Variants in PIK3AP1 observed in about 807,000 individuals in gnomAD.
PIK3AP1 encodes phosphoinositide-3-kinase adaptor protein 1.
PIK3AP1 carries 21 observed loss-of-function variants against 88.1 expected under a neutral mutation model. The observed-to-expected ratio is 0.24, with a 90% CI of 0.17 to 0.34. The LOEUF (loss-of-function observed/expected upper bound fraction) is 0.34. Ranked by LOEUF, PIK3AP1 falls within the 10% of genes least tolerant of loss-of-function variation. The pLI is 1.00. For missense variants in PIK3AP1, 828 were observed against 1,035.7 expected (o/e 0.80, Z 2.75); for synonymous variants, 398 against 400.0 (o/e 1.00, Z 0.06).
intron 4 of PIK3AP1, among the ~76,000 whole-genome samples, chr10:96,652,303 C>T (rs1048354358): frequency 1.8e-4 from 28 of 152,094 alleles, no homozygotes; most frequent in African/African-American, 6.3e-4. Context: ...AGCTGGGTGC[C>T]GTGGCTCACG....
chr10:96,710,860 G>A (rs1269564339), intron 1 of PIK3AP1, among the ~76,000 whole-genome samples: 2 of 152,202 alleles, frequency 1.3e-5, no homozygotes, highest in Non-Finnish European at 2.9e-5. Flanking sequence ...GATATTTCAT[G>A]TAAACTGCTA....
chr10:96,598,692 A>G (rs1012188915), intron 16 of PIK3AP1, among the ~76,000 whole-genome samples: 3 of 152,256 alleles, frequency 2.0e-5, no homozygotes, highest in Non-Finnish European at 4.4e-5. Flanking sequence ...AACCAAAAGA[A>G]GATTCACTCG....
Position 96,681,710 on chromosome 10 carries a change from A to G in PIK3AP1, c.431-24776T>C, listed in dbSNP as rs116081636. ...AGTCATAATGGAGAAGGGTAAGGGA[A>G]GAAGAGCTGGAAGGTTATCAGAAGG... On this transcript the variant is annotated intron_variant, in intron 2 of 16. Coordinates refer to ENST00000339364, the MANE Select transcript of PIK3AP1 (RefSeq NM_152309.3). Among the ~76,000 whole-genome samples the G allele has an allele frequency of 9.3e-3, 1,410 of 152,270 alleles. 21 individuals carry two copies. The highest frequency in any genetic ancestry group is 0.032 in the African/African-American group (1,345 of 41,552).
At chr10:96,633,257 T>C in intron 8 of PIK3AP1, 1 of 539,448 alleles carries the variant, frequency 1.9e-6, no homozygotes. Flanking sequence ...GTAGGCAATG[T>C]TGCCTGGAAA....
At chr10:96,628,893 T>TATAC (rs1564961268) in intron 8 of PIK3AP1, among the ~76,000 whole-genome samples, 11 of 53,422 alleles carry the variant, frequency 2.1e-4, no homozygotes, top group African/African-American at 4.3e-4. Flanking sequence ...TATATACATA[T>TATAC]ATATATATAT....
At position 96,720,357 on chromosome 10, in the gene PIK3AP1, G is replaced by C; in HGVS notation, c.13+25C>G. On this transcript the variant is annotated intron_variant, in intron 1 of 16. Coordinates refer to ENST00000339364, the MANE Select transcript of PIK3AP1 (RefSeq NM_152309.3). This position sits in a 1 kb window ranked among gnomAD's most constrained non-coding sequence, Gnocchi z 4.6. ...TACGAGAGAGGGGCCGGGAGCCCGG[G>C]GACCCGCGGCGCCTGCCTACCCACC... 8.0e-7 allele frequency: 1 copy of C among 1,242,508 alleles called. No individual in the cohort carries two copies. Among genetic ancestry groups the C allele is most frequent in the Admixed American group, 4.2e-5 (1 of 23,700 alleles). 77.0% of individuals were successfully genotyped at this position (1,242,508 alleles called of 1,614,324 possible). A position where few individuals can be genotyped will look rare whatever the true frequency, so the allele number is the denominator to read the frequency against.
At chr10:96,618,605 GAAAA>G (rs1564957063) in intron 12 of PIK3AP1, 3 of 139,534 alleles carry the variant, frequency 2.2e-5, no homozygotes, top group Non-Finnish European at 4.7e-5. Context: ...AAAAAAAAAA[GAAAA>G]AAAGAAAGAG....
intron 8 of PIK3AP1, among the ~76,000 whole-genome samples, chr10:96,639,683 T>A (rs1843358841): frequency 6.6e-6 from 1 of 152,198 alleles, no homozygotes; most frequent in African/African-American, 2.4e-5. Flanking sequence ...TAAGAACTCA[T>A]GCTGTGCACC....
At chr10:96,661,470 G>C (rs1843685388) in intron 2 of PIK3AP1, among the ~76,000 whole-genome samples, 1 of 152,192 alleles carries the variant, frequency 6.6e-6, no homozygotes, top group Non-Finnish European at 1.5e-5. Flanking sequence ...CATCAATGTA[G>C]ATTCATCAGT....
At chr10:96,665,941 C>T (rs1349192274) in intron 2 of PIK3AP1, among the ~76,000 whole-genome samples, 2 of 152,200 alleles carry the variant, frequency 1.3e-5, no homozygotes, top group Non-Finnish European at 2.9e-5. Flanking sequence ...AGCCTCCACA[C>T]AGTGCACAGG....
intron 2 of PIK3AP1, among the ~76,000 whole-genome samples, chr10:96,661,084 G>A (rs1051975190): frequency 2.6e-5 from 4 of 152,090 alleles, no homozygotes; most frequent in Non-Finnish European, 5.9e-5. Context: ...AGCCTCTCAT[G>A]AGGCTGAGGC....
intron 2 of PIK3AP1, among the ~76,000 whole-genome samples, chr10:96,677,866 G>T (rs753533986): frequency 3.3e-5 from 5 of 152,196 alleles, no homozygotes; most frequent in Non-Finnish European, 7.3e-5. Context: ...AGAGGGAGGT[G>T]AGAGTTTTTG....
chr10:96,635,477 G>A (rs1056433815), intron 8 of PIK3AP1, among the ~76,000 whole-genome samples: 1 of 152,122 alleles, frequency 6.6e-6, no homozygotes, highest in Non-Finnish European at 1.5e-5. Flanking sequence ...TATCTTTGTA[G>A]ACCAGGAACA....
chr10:96,674,710 G>A (rs2134257183), intron 2 of PIK3AP1, among the ~76,000 whole-genome samples: 1 of 152,344 alleles, frequency 6.6e-6, no homozygotes, highest in African/African-American at 2.4e-5. Flanking sequence ...GAGGACCACT[G>A]TAAGGCTTTG....
intron 1 of PIK3AP1, among the ~76,000 whole-genome samples, chr10:96,712,528 C>T (rs550380779): frequency 6.6e-6 from 1 of 152,058 alleles, no homozygotes; most frequent in South Asian, 2.1e-4. Flanking sequence ...TTCTTTATAC[C>T]TCAATGGAAA....
intron 8 of PIK3AP1, among the ~76,000 whole-genome samples, chr10:96,632,485 C>A (rs534199015): frequency 2.0e-5 from 3 of 151,872 alleles, no homozygotes; most frequent in Non-Finnish European, 4.4e-5. Context: ...TGAGGATGAC[C>A]CCATGATCCT....
chr10:96,644,996 T>C (rs770255828), intron 8 of PIK3AP1, among the ~76,000 whole-genome samples: 9 of 152,222 alleles, frequency 5.9e-5, no homozygotes, highest in Non-Finnish European at 1.0e-4. Flanking sequence ...TGCATCTGAC[T>C]CTTTTGTCAT....
At chr10:96,609,689 C>A in intron 14 of PIK3AP1, 23 bp downstream of exon 14, 1 of 1,607,736 alleles carries the variant, frequency 6.2e-7, no homozygotes, top group South Asian at 1.1e-5. Flanking sequence ...GAAGACCCCA[C>A]CCCCGCACCC....
In PIK3AP1 at chr10:96,623,452, T is replaced by G; in HGVS notation, c.1735+20A>C. The G allele has an allele frequency of 1.3e-6, 2 of 1,590,846 alleles. No homozygotes were observed. The highest frequency in any genetic ancestry group is 2.2e-5 in the South Asian group (2 of 90,606). On this transcript the variant is annotated intron_variant, in intron 11 of 16. Coordinates refer to ENST00000339364, the MANE Select transcript of PIK3AP1 (RefSeq NM_152309.3). ...CACTTCAACCACACAAAAGTTCAGT[T>G]CATATAACACATGGCTTACCTTTCC...
Sources: gnomAD v4.1 joint callset for allele counts (sites outside exome capture counted in the v4.1 genomes callset) on GRCh38, gnomAD v4.1.1 for gene constraint, Gnocchi (gnomAD v3.1) non-coding constraint, MANE v1.5 for transcripts, NCBI Gene and HGNC (gene_info 2026-07-23, HGNC 2026-07-21) for gene names.